PRH1: variants seen among roughly 807,000 people sequenced by gnomAD.
PRH1 encodes the protein proline rich protein HaeIII subfamily 1.
Under a neutral mutation model 7.9 loss-of-function variants are expected in PRH1, and 7 were observed. The ratio of observed to expected loss-of-function variants is 0.89; its 90% CI spans 0.50 to 1.67. The LOEUF (loss-of-function observed/expected upper bound fraction) is 1.67. PRH1 is among the 40% of genes most tolerant of loss of function. The probability of loss-of-function intolerance (pLI) is 0.00; values close to 1 mark genes in which losing one functional copy is unlikely to be tolerated. For missense variants in PRH1, 109 were observed against 223.6 expected (o/e 0.49, Z 3.27); for synonymous variants, 45 against 80.8 (o/e 0.56, Z 2.38).
At chr12:11,128,012 G>A (rs1835362165) in intron 1 of PRH1, among the ~76,000 whole-genome samples, 2 of 150,560 alleles carry the variant, frequency 1.3e-5, no homozygotes, top group Admixed American at 6.7e-5. Context: ...CGGGGAGGCT[G>A]AGGCCAGAGA....
chr12:11,090,517 C>G (rs1331225678), intron 1 of PRH1, among the ~76,000 whole-genome samples: 3 of 93,948 alleles, frequency 3.2e-5, no homozygotes, highest in Non-Finnish European at 5.2e-5. Flanking sequence ...ACTGCATATG[C>G]ATAACTGATG....
intron 1 of PRH1, among the ~76,000 whole-genome samples, chr12:11,018,232 G>A (rs913863181): frequency 6.6e-6 from 1 of 152,172 alleles, no homozygotes; most frequent in Non-Finnish European, 1.5e-5. Context: ...CCTCTTCAGT[G>A]GAGGATTATC....
upstream of PRH1, among the ~76,000 whole-genome samples, chr12:10,886,363 C>T (rs1949492309): frequency 6.6e-6 from 1 of 152,186 alleles, no homozygotes; most frequent in Admixed American, 6.5e-5. Context: ...ACAGGTTTCT[C>T]CTTGGCAGCA....
At chr12:11,016,899 A>C (rs1375098302) in intron 1 of PRH1, among the ~76,000 whole-genome samples, 1 of 152,228 alleles carries the variant, frequency 6.6e-6, no homozygotes, top group East Asian at 1.9e-4. Flanking sequence ...CAAGGAATGG[A>C]ATTGATCACT....
Position 10,987,688 on chromosome 12 carries a change from T to G in PRH1, c.-125-13967A>C, listed in dbSNP as rs979282916. On this transcript the variant is annotated intron_variant, in intron 1 of 3. Transcript: ENST00000539853. ...ATTTTCCCAGTGAAAACTGAGGGTT[T>G]TCAGACCCCCCCCAAAAAAATGTAT... 5.8e-4 allele frequency among the ~76,000 whole-genome samples: 87 copies of G among 150,800 alleles called. 1 individual carries two copies. The highest frequency in any genetic ancestry group is 2.1e-3 in the African/African-American group (85 of 40,520).
chr12:11,099,877 A>G (rs1340876677), intron 1 of PRH1, among the ~76,000 whole-genome samples: 1 of 152,210 alleles, frequency 6.6e-6, no homozygotes, highest in Admixed American at 6.5e-5. Context: ...GCCGAAAGAA[A>G]AAGTAGATGG....
chr12:11,071,209 G>A (rs2136207264), intron 1 of PRH1, among the ~76,000 whole-genome samples: 1 of 151,444 alleles, frequency 6.6e-6, no homozygotes, highest in East Asian at 1.9e-4. Flanking sequence ...AAGTGGACCA[G>A]GAAATTCCAG....
chr12:11,024,756 C>T (rs376442517), intron 1 of PRH1, among the ~76,000 whole-genome samples: 6 of 50,754 alleles, frequency 1.2e-4, no homozygotes, highest in Admixed American at 5.0e-4. Context: ...CATTCTTTCA[C>T]ATATCATTTG....
intron 2 of PRH1, among the ~76,000 whole-genome samples, chr12:10,916,013 C>A (rs1949967180): frequency 6.6e-6 from 1 of 152,054 alleles, no homozygotes; most frequent in South Asian, 2.1e-4. Context: ...ATACACAAGA[C>A]TAAGTAATTT....
intron 1 of PRH1, among the ~76,000 whole-genome samples, chr12:11,029,495 A>G (rs1486566562): frequency 6.6e-6 from 1 of 152,256 alleles, no homozygotes; most frequent in Non-Finnish European, 1.5e-5. Context: ...AATTTCATAA[A>G]TGGAAGGTAA....
In PRH1 at chr12:11,091,358, A is replaced by G. The variant is rs2136259369; in HGVS notation, n.124-44170T>C. 7 of 1,352,588 alleles carry G rather than the reference A, an allele frequency of 5.2e-6. 2 individuals are homozygous for G. In the South Asian group the frequency reaches 7.1e-5, roughly 14 times the overall value. 83.8% of individuals were successfully genotyped at this position (1,352,588 alleles called of 1,614,324 possible). The stretch of plus-strand genomic sequence containing the variant: ...GTACCTCATTTGCCAAAAAACTGAA[A>G]GAAAAGTCTGCTTTAGCTTCTTGTT... On this transcript the variant is annotated intron_variant and non_coding_transcript_variant, in intron 1 of 4. Coordinates refer to the PRH1 transcript ENST00000541977.
chr12:11,078,685 T>A (rs1439667937), intron 1 of PRH1: 1 of 152,040 alleles, frequency 6.6e-6, no homozygotes. Context: ...ACCAAATACA[T>A]ATATCATACA....
At chr12:11,021,144 A>G (rs1253570694) in intron 1 of PRH1, among the ~76,000 whole-genome samples, 1 of 73,948 alleles carries the variant, frequency 1.4e-5, no homozygotes, top group Admixed American at 1.6e-4. Context: ...ACTAACAACA[A>G]TTCTATTTGC....
At chr12:10,970,883 G>A (rs1400168879) in intron 2 of PRH1, among the ~76,000 whole-genome samples, 6 of 152,056 alleles carry the variant, frequency 3.9e-5, no homozygotes, top group Non-Finnish European at 5.9e-5. Context: ...TTTAACTTGT[G>A]TTTATAACTA....
chr12:11,051,993 G>T (rs1242764336), upstream of PRH1, among the ~76,000 whole-genome samples: 1 of 152,098 alleles, frequency 6.6e-6, no homozygotes, highest in Non-Finnish European at 1.5e-5. Flanking sequence ...TATATAGCTG[G>T]GTGTAGAATT....
chr12:11,037,479 T>G (rs144937070), intron 1 of PRH1, among the ~76,000 whole-genome samples: 9 of 152,356 alleles, frequency 5.9e-5, no homozygotes, highest in African/African-American at 2.2e-4. Context: ...TATTGTGAAA[T>G]TAAAATGCTA....
chr12:11,036,704 T>G (rs1308845156), intron 1 of PRH1, among the ~76,000 whole-genome samples: 1 of 152,254 alleles, frequency 6.6e-6, no homozygotes, highest in Non-Finnish European at 1.5e-5. Context: ...GTATTGGAGC[T>G]TGACTTGAAC....
intron 1 of PRH1, among the ~76,000 whole-genome samples, chr12:11,102,219 G>A (rs1945277421): frequency 6.6e-6 from 1 of 152,114 alleles, no homozygotes; most frequent in Non-Finnish European, 1.5e-5. Flanking sequence ...AACCAAAAAA[G>A]AGCCTGCATT....
At chr12:10,918,328 C>T (rs895867713) in intron 2 of PRH1, among the ~76,000 whole-genome samples, 1 of 151,984 alleles carries the variant, frequency 6.6e-6, no homozygotes, top group East Asian at 1.9e-4. Flanking sequence ...ACACATTAAC[C>T]TATGTAACAA....
Sources: gnomAD v4.1 joint callset for allele counts (sites outside exome capture counted in the v4.1 genomes callset) on GRCh38, gnomAD v4.1.1 for gene constraint, MANE v1.5 for transcripts, NCBI Gene and HGNC (gene_info 2026-07-23, HGNC 2026-07-21) for gene names.